Variants in BICRAL observed in about 807,000 individuals in gnomAD.
BICRAL encodes the protein BICRA like chromatin remodeling complex associated protein.
In BICRAL, 8 loss-of-function variants were observed where a neutral mutation model predicts 91.8. The observed-to-expected ratio is 0.09, with a 90% CI of 0.05 to 0.16. BICRAL has a LOEUF of 0.16. Ranked by LOEUF, BICRAL falls within the 10% of genes least tolerant of loss-of-function variation. BICRAL has a pLI of 1.00. For synonymous variants in BICRAL, 445 were observed against 491.1 expected (o/e 0.91, Z 1.24); for missense variants, 1,038 against 1,310.9 (o/e 0.79, Z 3.21).
rs148886062 is a variant in BICRAL, at chr6:42,864,265, G to A, written c.2453-394G>A. Among the ~76,000 whole-genome samples the A allele has an allele frequency of 6.1e-3, 925 of 152,070 alleles. 6 individuals are homozygous for A. Among genetic ancestry groups the A allele is most frequent in the Non-Finnish European group, 9.8e-3 (666 of 67,970 alleles). On this transcript the variant is annotated intron_variant, in intron 12 of 12. Transcript: ENST00000314073. ...TGAGGCAGGAGAATTGCTTGAACCC[G>A]GGAGGCAAAGTTTGCGGTGAGCCAA...
At chr6:42,795,519 C>T (rs1032084482) in intron 1 of BICRAL, among the ~76,000 whole-genome samples, 3 of 152,070 alleles carry the variant, frequency 2.0e-5, no homozygotes, top group African/African-American at 7.2e-5. Flanking sequence ...ACCTAAATTC[C>T]CAAGATATAA....
At chr6:42,857,802 A>ATTTTTTTTT (rs1161596399) in intron 10 of BICRAL, among the ~76,000 whole-genome samples, 4 of 73,680 alleles carry the variant, frequency 5.4e-5, no homozygotes, top group African/African-American at 1.4e-4. Context: ...CATACCCTGA[A>ATTTTTTTTT]TTTTTTTTTT....
intron 6 of BICRAL, among the ~76,000 whole-genome samples, chr6:42,850,633 C>G (rs1436694931): frequency 6.6e-6 from 1 of 151,994 alleles, no homozygotes; most frequent in Non-Finnish European, 1.5e-5. Context: ...CGTTTGTAAT[C>G]CCAGCATTTT....
At chr6:42,770,414 T>A (rs1762701150) in intron 1 of BICRAL, among the ~76,000 whole-genome samples, 1 of 79,638 alleles carries the variant, frequency 1.3e-5, no homozygotes, top group Non-Finnish European at 2.5e-5. Flanking sequence ...TTATTATTAT[T>A]TTTTTTTTTT....
chr6:42,854,162 G>A (rs778487775), intron 8 of BICRAL, among the ~76,000 whole-genome samples: 3 of 152,144 alleles, frequency 2.0e-5, no homozygotes, highest in Admixed American at 6.6e-5. Context: ...CCATCCCTAC[G>A]GTCTTTTGAC....
At chr6:42,823,089 C>A in intron 5 of BICRAL, 86 bp downstream of exon 5, 1 of 757,008 alleles carries the variant, frequency 1.3e-6, no homozygotes. Flanking sequence ...GCCTTTGTAT[C>A]ATGAGAATCC....
chr6:42,830,304 G>A (rs1260035840), intron 6 of BICRAL, 132 bp downstream of exon 6: 4 of 899,800 alleles, frequency 4.4e-6, no homozygotes, highest in South Asian at 1.7e-5. Flanking sequence ...AGTGGCTCAT[G>A]CCTGTAATCC....
chr6:42,767,690 G>C (rs1762654736), intron 1 of BICRAL, among the ~76,000 whole-genome samples: 1 of 152,230 alleles, frequency 6.6e-6, no homozygotes, highest in Non-Finnish European at 1.5e-5. Flanking sequence ...TCATCTCCTT[G>C]AGGCTTACAA....
chr6:42,760,482 G>C (rs1308608335), intron 1 of BICRAL, among the ~76,000 whole-genome samples: 1 of 152,076 alleles, frequency 6.6e-6, no homozygotes, highest in Non-Finnish European at 1.5e-5. Flanking sequence ...AGAGGTAGGT[G>C]CCTTAGCTGT....
Position 42,792,621 on chromosome 6 carries a change from T to G in BICRAL, c.-102+10520T>G, listed in dbSNP as rs552033659. Among the ~76,000 whole-genome samples the G allele has an allele frequency of 5.6e-4, 83 of 147,060 alleles. 1 individual carries two copies. Among genetic ancestry groups the G allele is most frequent in the African/African-American group, 2.0e-3 (80 of 39,530 alleles). The stretch of plus-strand genomic sequence containing the variant: ...TTTTTAGAAGTGCAAATAAGTATAT[T>G]TAGAAATTGATGCTGAGTGTGGTGG... On this transcript the variant is annotated intron_variant, in intron 1 of 12. Coordinates refer to ENST00000314073, the MANE Select transcript of BICRAL (RefSeq NM_001393499.1).
At chr6:42,787,532 T>G (rs1018936162) in intron 1 of BICRAL, among the ~76,000 whole-genome samples, 9 of 150,978 alleles carry the variant, frequency 6.0e-5, no homozygotes, top group African/African-American at 1.2e-4. Context: ...CAGCTCTGTG[T>G]GGGGAAAAAA....
At chr6:42,751,222 C>G (rs1215311184) in intron 1 of BICRAL, among the ~76,000 whole-genome samples, 2 of 151,940 alleles carry the variant, frequency 1.3e-5, no homozygotes, top group African/African-American at 2.4e-5. Flanking sequence ...CCCCTCCAAC[C>G]CCAAGGTCCT....
intron 1 of BICRAL, among the ~76,000 whole-genome samples, chr6:42,809,618 G>T (rs545613959): frequency 6.6e-6 from 1 of 151,320 alleles, no homozygotes; most frequent in East Asian, 1.9e-4. Flanking sequence ...GGGACCACAG[G>T]CCCAAGCCAC....
At chr6:42,783,638 G>C (rs1273413911) in intron 1 of BICRAL, among the ~76,000 whole-genome samples, 1 of 152,202 alleles carries the variant, frequency 6.6e-6, no homozygotes, top group Non-Finnish European at 1.5e-5. Context: ...GGGGTCGCGC[G>C]GCCTTCTCCT....
chr6:42,865,167 C>A lies in BICRAL; in HGVS notation c.2961C>A (p.His987Gln). 6.2e-7 allele frequency: 1 copy of A among 1,614,166 alleles called. No homozygotes were observed. The highest frequency in any genetic ancestry group is 8.5e-7 in the Non-Finnish European group (1 of 1,180,018). The part of the protein sequence containing the change: ...LRNSPKNEVL[H>Q]TDIMKGSGEP... Reference sequence around the variant, plus strand: ...ATTCTCCAAAGAATGAAGTTTTACACACAGACATCATGAAAGGGTCAGGCG... The same window carrying A: ...ATTCTCCAAAGAATGAAGTTTTACAAACAGACATCATGAAAGGGTCAGGCG... Residue 987 changes from histidine (H) to glutamine (Q), a missense_variant, in exon 13 of 13, where the codon CAC becomes CAA. Around this residue, in one of 5 missense-constraint regions of BICRAL, gnomAD observed 92 missense variants for 147.8 expected, o/e 0.62. Transcript: ENST00000314073.
chr6:42,831,985 C>T (rs1323181082), intron 6 of BICRAL, among the ~76,000 whole-genome samples: 5 of 151,852 alleles, frequency 3.3e-5, no homozygotes, highest in Admixed American at 6.6e-5. Flanking sequence ...GTGATCTGCC[C>T]GCCTCGACCT....
At chr6:42,858,862 C>A (rs1321515085) in intron 10 of BICRAL, among the ~76,000 whole-genome samples, 2 of 151,984 alleles carry the variant, frequency 1.3e-5, no homozygotes, top group African/African-American at 4.8e-5. Context: ...ATAAGAGCCC[C>A]TTCCCCAAAC....
At chr6:42,786,480 G>C (rs970557414) in intron 1 of BICRAL, among the ~76,000 whole-genome samples, 2 of 116,080 alleles carry the variant, frequency 1.7e-5, no homozygotes, top group African/African-American at 9.1e-5. Context: ...CTTGAAAGGA[G>C]GGGGAAATCT....
At chr6:42,815,198 T>C (rs1160736295) in intron 2 of BICRAL, among the ~76,000 whole-genome samples, 3 of 145,856 alleles carry the variant, frequency 2.1e-5, no homozygotes, top group African/African-American at 7.7e-5. Flanking sequence ...TTTTTTTTTT[T>C]TTTTTTTTTG....
Sources: allele counts gnomAD v4.1 joint callset (sites outside exome capture counted in the v4.1 genomes callset), GRCh38; gene constraint gnomAD v4.1.1; regional missense constraint gnomAD v4.1.1; transcripts MANE v1.5; gene names NCBI Gene and HGNC (gene_info 2026-07-23, HGNC 2026-07-21).